WASF1: variants seen among roughly 807,000 people sequenced by gnomAD.
WASF1 encodes the protein WASP family member 1.
WASF1 carries 7 observed loss-of-function variants against 50.5 expected under a neutral mutation model. The ratio of observed to expected loss-of-function variants is 0.14; its 90% CI spans 0.08 to 0.26. The LOEUF (loss-of-function observed/expected upper bound fraction) is 0.26. Ranked by LOEUF, WASF1 falls within the 10% of genes least tolerant of loss-of-function variation. The pLI is 1.00. For missense variants in WASF1, 470 were observed against 694.7 expected, an observed-to-expected ratio of 0.68 and a Z score of 3.64; for synonymous variants, 205 against 244.0, an observed-to-expected ratio of 0.84 and a Z score of 1.49.
intron 8 of WASF1, among the ~76,000 whole-genome samples, chr6:110,104,272 G>A (rs561882637): frequency 6.6e-6 from 1 of 152,240 alleles, no homozygotes; most frequent in African/African-American, 2.4e-5. Flanking sequence ...AGAAATTATT[G>A]TATTTAGTGA....
chr6:110,125,208 A>T (rs541841696), intron 4 of WASF1, among the ~76,000 whole-genome samples: 1 of 152,208 alleles, frequency 6.6e-6, no homozygotes, highest in South Asian at 2.1e-4. Flanking sequence ...AAAATTAAAC[A>T]TAATTTAATT....
chr6:110,160,572 T>C (rs1776222357), intron 3 of WASF1, 63 bp downstream of exon 3: 1 of 151,832 alleles, frequency 6.6e-6, no homozygotes, highest in Non-Finnish European at 1.5e-5. Flanking sequence ...AAATGAGAAG[T>C]AGCTTTAAAT....
At chr6:110,113,528 C>A in intron 4 of WASF1, 68 bp from the exon 5 acceptor site, 3 of 1,372,184 alleles carry the variant, frequency 2.2e-6, no homozygotes, top group Non-Finnish European at 2.0e-6. Flanking sequence ...TCTTTGCAAG[C>A]AGTAGAAATC....
intron 2 of WASF1, among the ~76,000 whole-genome samples, chr6:110,168,975 T>C (rs1487243127): frequency 6.6e-6 from 1 of 152,122 alleles, no homozygotes; most frequent in Non-Finnish European, 1.5e-5. Context: ...TTCAGAGATC[T>C]GGCCAGACCA....
intron 2 of WASF1, among the ~76,000 whole-genome samples, chr6:110,169,457 G>C (rs1776604453): frequency 6.6e-6 from 1 of 152,100 alleles, no homozygotes; most frequent in South Asian, 2.1e-4. Flanking sequence ...CCATTAACCA[G>C]TTCAGTCAAC....
chr6:110,178,591 T>C lies in WASF1; in HGVS notation c.-127+7A>G, dbSNP rs905575554. ...GGAAATGATTAGAGTAAGTCGTATT[T>C]AAGTACCTAGTCTAGCTGGGGATCA... On this transcript the variant is annotated splice_region_variant and intron_variant, in intron 2 of 10. Coordinates refer to ENST00000392589, the MANE Select transcript of WASF1 (RefSeq NM_003931.3). 5.9e-5 allele frequency: 9 copies of C among 152,388 alleles called. No homozygotes were observed. Among genetic ancestry groups the C allele is most frequent in the Admixed American group, 5.9e-4 (9 of 15,276 alleles). 9.4% of individuals were successfully genotyped at this position (152,388 alleles called of 1,614,324 possible).
chr6:110,124,235 C>CCTTCCT (rs1774287320), intron 4 of WASF1, among the ~76,000 whole-genome samples: 3 of 11,032 alleles, frequency 2.7e-4, no homozygotes, highest in Non-Finnish European at 4.9e-4. Flanking sequence ...TCCTCTCTCT[C>CCTTCCT]CTCTCTCTCT....
intron 9 of WASF1, among the ~76,000 whole-genome samples, chr6:110,102,982 C>A (rs1257835777): frequency 6.6e-6 from 1 of 152,112 alleles, no homozygotes; most frequent in Non-Finnish European, 1.5e-5. Context: ...TAGACTGTTA[C>A]CCACATTCCA....
chr6:110,152,145 G>A (rs1237404140), intron 3 of WASF1, among the ~76,000 whole-genome samples: 4 of 152,086 alleles, frequency 2.6e-5, no homozygotes, highest in African/African-American at 4.8e-5. Flanking sequence ...ATATGGGTGG[G>A]CTTAACCTAA....
intron 4 of WASF1, among the ~76,000 whole-genome samples, chr6:110,124,236 CTCTCTCT>C (rs1774289205): frequency 1.6e-4 from 1 of 6,200 alleles, no homozygotes; most frequent in African/African-American, 5.3e-4. Context: ...CCTCTCTCTC[CTCTCTCT>C]CTCTCTCTCT....
At chr6:110,179,091 G>T in intron 1 of WASF1, among the ~76,000 whole-genome samples, 1 of 152,260 alleles carries the variant, frequency 6.6e-6, no homozygotes, top group East Asian at 1.9e-4. Flanking sequence ...CCGGAAAGAG[G>T]CACGGGGCGG....
chr6:110,119,401 ACTATAAACACCT>A (rs1773978268), intron 4 of WASF1, among the ~76,000 whole-genome samples: 1 of 152,230 alleles, frequency 6.6e-6, no homozygotes. Flanking sequence ...ATCAGAGAAT[ACTATAAACACCT>A]CTACACAAAT....
intron 5 of WASF1, among the ~76,000 whole-genome samples, chr6:110,109,967 TG>T (rs1215634070): frequency 1.3e-5 from 2 of 152,174 alleles, no homozygotes; most frequent in Non-Finnish European, 2.9e-5. Flanking sequence ...TACAATAGGC[TG>T]GCTCTGCAAT....
chr6:110,124,274 C>CTCTCTCTATATATATATATA (rs1331534646), intron 4 of WASF1, among the ~76,000 whole-genome samples: 1 of 20,504 alleles, frequency 4.9e-5, no homozygotes, highest in Non-Finnish European at 7.6e-5. Flanking sequence ...CTCTCTCTCT[C>CTCTCTCTATATATATATATA]TATATATATA....
intron 3 of WASF1, among the ~76,000 whole-genome samples, chr6:110,155,677 A>G (rs1177791489): frequency 4.1e-5 from 3 of 72,982 alleles, no homozygotes; most frequent in Non-Finnish European, 7.8e-5. Context: ...AGCATTAGGT[A>G]TATCTCCCAA....
chr6:110,129,727 T>C (rs1774577273), intron 3 of WASF1, among the ~76,000 whole-genome samples: 1 of 151,888 alleles, frequency 6.6e-6, no homozygotes, highest in Admixed American at 6.6e-5. Context: ...CTTTGATAAG[T>C]TTTTTTTACA....
At chr6:110,140,292 G>A (rs1775169642) in intron 3 of WASF1, among the ~76,000 whole-genome samples, 1 of 152,160 alleles carries the variant, frequency 6.6e-6, no homozygotes, top group African/African-American at 2.4e-5. Flanking sequence ...GGAAAGGCAT[G>A]GATGCTCTAT....
intron 2 of WASF1, among the ~76,000 whole-genome samples, chr6:110,164,921 C>T (rs145188190): frequency 4.0e-5 from 6 of 151,468 alleles, no homozygotes; most frequent in Non-Finnish European, 8.9e-5. Flanking sequence ...ATGCATATTA[C>T]CAAGTCAAAG....
rs891213861 is a variant in WASF1 at position 110,160,693 on chromosome 6, TATC to T, written c.-90_-88del. On this transcript the variant is annotated 5_prime_UTR_variant, in exon 3 of 11. An upstream start codon of the reference 5' UTR is lost. Coordinates refer to ENST00000392589, the MANE Select transcript of WASF1 (RefSeq NM_003931.3). ...TCCACTGCAACTTTACTCCAACAGC[TATC>T]ATCAACAGTTGTTTTAACATGCTGA... 4.0e-5 allele frequency: 6 copies of T among 151,786 alleles called. No homozygotes were observed. Among genetic ancestry groups the T allele is most frequent in the Admixed American group, 3.3e-4 (5 of 15,202 alleles). 9.4% of individuals were successfully genotyped at this position (151,786 alleles called of 1,614,324 possible).
Sources: allele counts gnomAD v4.1 joint callset (sites outside exome capture counted in the v4.1 genomes callset), GRCh38; gene constraint gnomAD v4.1.1; transcripts MANE v1.5; gene names NCBI Gene and HGNC (gene_info 2026-07-23, HGNC 2026-07-21).